Variants in ZFP64 observed in about 807,000 individuals in gnomAD.
The protein encoded by ZFP64 is zinc finger protein 64.
A neutral mutation model predicts 51.6 loss-of-function variants in ZFP64; 14 were observed. That is an observed-to-expected ratio of 0.27 (90% CI 0.18 to 0.42). ZFP64 has a LOEUF of 0.42. Among genes scored for constraint, ZFP64 ranks in the 10% least tolerant of loss-of-function variants. The probability of loss-of-function intolerance (pLI) is 1.00; values close to 1 mark genes in which losing one functional copy is unlikely to be tolerated. For synonymous variants in ZFP64, 375 were observed against 361.4 expected, an observed-to-expected ratio of 1.04 and a Z score of -0.43; for missense variants, 754 against 906.8, an observed-to-expected ratio of 0.83 and a Z score of 2.16.
intron 1 of ZFP64, among the ~76,000 whole-genome samples, 189 bp from the exon 2 acceptor site, chr20:52,187,260 CCA>C (rs1227918106): frequency 3.3e-5 from 5 of 152,106 alleles, no homozygotes; most frequent in Non-Finnish European, 4.4e-5. Context: ...TATCATATTT[CCA>C]CACAGAGATT....
At chr20:52,138,536 C>G (rs184741375) in intron 5 of ZFP64, among the ~76,000 whole-genome samples, 1 of 150,394 alleles carries the variant, frequency 6.6e-6, no homozygotes, top group East Asian at 2.0e-4. Flanking sequence ...TGATTTAAGG[C>G]CAAAAGCTAT....
Position 52,160,301 on chromosome 20 carries a change from C to T in ZFP64, c.585G>A (p.Arg195=), listed in dbSNP as rs148832144. The change falls in exon 5 of 6, where the codon CGG becomes CGA. Residue 195 remains arginine, a synonymous_variant. Transcript: ENST00000216923. The surrounding 1 kb of genome is among the most constrained non-coding windows in gnomAD (Gnocchi z 4.2). ...TGTAGGGCTTCACGCCCGTGTGGCA[C>T]CGCATGTGAGTTTTCAGCTTGTCTT... ...SRKDKLKTHM[R]CHTGVKPYKC... is the part of the protein sequence containing the mutation. The T allele has an allele frequency of 2.2e-4, 350 of 1,614,232 alleles. 1 individual carries two copies. The African/African-American group carries it at 4.4e-3, about 20-fold the overall frequency.
rs71192597 is a variant in ZFP64, at chr20:52,136,096, C to CAAAA, written c.763+24023_763+24026dup. 1.1e-3 allele frequency among the ~76,000 whole-genome samples: 43 copies of CAAAA among 38,000 alleles called. 1 individual carries two copies. The highest frequency in any genetic ancestry group is 1.5e-3 in the African/African-American group (13 of 8,816). The allele number at this position is 38,000 out of a possible 152,430, so 24.9% of individuals were successfully genotyped here. ...CCTAGGCGATGGAGGGAGACTCTCT[C>CAAAA]AAAAAAAAAAAAAAAAAAAAAAAAG... On this transcript the variant is annotated intron_variant, in intron 5 of 8. Transcript: ENST00000361387.
chr20:52,164,608 G>A (rs1285856036), intron 4 of ZFP64, 87 bp downstream of exon 4: 23 of 1,094,640 alleles, frequency 2.1e-5, no homozygotes, highest in Admixed American at 5.5e-5. Context: ...CGTTTGGAGT[G>A]GTATCATTCG....
rs758856624 is a variant in ZFP64, at chr20:52,152,670, C to T, written c.1522G>A (p.Ala508Thr). The part of the protein sequence containing the change: ...KIIVGHQVPQ[A>T]NTIVQAAAAA... Reference sequence around the variant, plus strand: ...GCGGCAGCCTGGACGATGGTGTTCGCCTGGGGCACCTGATGCCCAACGATG... The same window carrying T: ...GCGGCAGCCTGGACGATGGTGTTCGTCTGGGGCACCTGATGCCCAACGATG... Residue 508 changes from alanine (A) to threonine (T), a missense_variant, in exon 6 of 6, where the codon GCG (alanine) becomes ACG (threonine). Around this residue, in one of 3 missense-constraint regions of ZFP64, gnomAD observed 428 missense variants for 472.4 expected, o/e 0.91. Transcript: ENST00000216923. 2.3e-5 allele frequency: 35 copies of T among 1,541,322 alleles called. No individual in the cohort carries two copies. Among genetic ancestry groups the T allele is most frequent in the African/African-American group, 2.7e-5 (2 of 73,178 alleles).
intron 5 of ZFP64, among the ~76,000 whole-genome samples, chr20:52,099,138 A>T (rs1261180964): frequency 6.6e-6 from 1 of 152,144 alleles, no homozygotes; most frequent in Non-Finnish European, 1.5e-5. Flanking sequence ...TCTAAACTAA[A>T]AAACATATGA....
chr20:52,156,872 T>C (rs1353358637), intron 5 of ZFP64, among the ~76,000 whole-genome samples: 2 of 152,088 alleles, frequency 1.3e-5, no homozygotes, highest in Non-Finnish European at 2.9e-5. Flanking sequence ...AAGAGATAAA[T>C]TCTAGGCAGA....
intron 3 of ZFP64, chr20:52,165,649 A>C (rs1982197543): frequency 1.4e-6 from 1 of 725,722 alleles, no homozygotes; most frequent in South Asian, 1.5e-5. Flanking sequence ...TCAAAGGCCT[A>C]TGGCTAGAAA....
intron 5 of ZFP64, among the ~76,000 whole-genome samples, chr20:52,115,033 C>T (rs6096761): frequency 0.18 from 26,528 of 151,190 alleles, 2,449 homozygotes; most frequent in Non-Finnish European, 0.21. Context: ...CTGTCTCTAC[C>T]AAAAATACAA....
intron 4 of ZFP64, among the ~76,000 whole-genome samples, chr20:52,162,860 A>G (rs749100805): frequency 1.3e-5 from 2 of 152,132 alleles, no homozygotes; most frequent in Non-Finnish European, 2.9e-5. Context: ...CCCCAACTCC[A>G]GGGGTAATTA....
chr20:52,164,562 T>C (rs930050311), intron 4 of ZFP64, 133 bp downstream of exon 4: 14 of 785,576 alleles, frequency 1.8e-5, no homozygotes, highest in Non-Finnish European at 3.0e-5. Context: ...CCTTATTTTT[T>C]AAAATCTGGA....
At chr20:52,109,780 C>CA (rs779914417) in intron 5 of ZFP64, among the ~76,000 whole-genome samples, 2,567 of 45,452 alleles carry the variant, frequency 0.056, 82 homozygotes, top group African/African-American at 0.12. Flanking sequence ...AATTCCACCT[C>CA]AAAAAAAAAA....
intron 5 of ZFP64, among the ~76,000 whole-genome samples, chr20:52,156,637 T>C (rs1406555642): frequency 6.6e-6 from 1 of 152,328 alleles, no homozygotes; most frequent in African/African-American, 2.4e-5. Context: ...GCTATTACGC[T>C]GCATCACTGT....
intron 2 of ZFP64, among the ~76,000 whole-genome samples, chr20:52,177,443 C>T (rs999933101): frequency 3.3e-5 from 5 of 152,076 alleles, no homozygotes; most frequent in African/African-American, 1.2e-4. Flanking sequence ...CAGTTTTGGC[C>T]AGCAGGATCT....
chr20:52,085,251 T>A lies in ZFP64; in HGVS notation c.1244A>T (p.Gln415Leu), dbSNP rs1176427928. 11 of 1,612,744 alleles carry A rather than the reference T, an allele frequency of 6.8e-6. No homozygotes were observed. The highest frequency in any genetic ancestry group is 9.3e-6 in the Non-Finnish European group (11 of 1,179,256). ...GAACTTGGCGCTACAGAGCCAGCAC[T>A]GGAAGGGGGTATCCCCTAGCAATGG... The change falls in exon 9 of 9, where the codon CAG becomes CTG. Residue 415 changes from glutamine (Q) to leucine (L), a missense_variant. Gln to Leu is a moderately radical substitution (Grantham distance 113). Coordinates refer to the ZFP64 transcript ENST00000361387. The surrounding 1 kb of genome is among the most constrained non-coding windows in gnomAD (Gnocchi z 4.3).
intron 5 of ZFP64, among the ~76,000 whole-genome samples, chr20:52,157,688 T>C (rs1401587914): frequency 6.6e-6 from 1 of 152,192 alleles, no homozygotes; most frequent in Non-Finnish European, 1.5e-5. Context: ...TTTAAAATTA[T>C]ACTTTAAGTT....
chr20:52,097,016 T>A, intron 7 of ZFP64: 1 of 610,084 alleles, frequency 1.6e-6, no homozygotes, highest in Admixed American at 1.9e-5. Context: ...GCCAACAGGC[T>A]GAGTTGCCCA....
At chr20:52,093,932 A>C (rs2078956781) in intron 7 of ZFP64, among the ~76,000 whole-genome samples, 2 of 152,244 alleles carry the variant, frequency 1.3e-5, no homozygotes, top group Admixed American at 1.3e-4. Context: ...TTGCACATTT[A>C]ACATTGATGA....
chr20:52,190,867 A>G (rs1984316365), intron 1 of ZFP64, among the ~76,000 whole-genome samples: 1 of 152,144 alleles, frequency 6.6e-6, no homozygotes, highest in African/African-American at 2.4e-5. Context: ...TACGAAGGAC[A>G]GCGGATCCCC....
Sources: allele counts gnomAD v4.1 joint callset (sites outside exome capture counted in the v4.1 genomes callset), GRCh38; gene constraint gnomAD v4.1.1; regional missense constraint gnomAD v4.1.1; non-coding constraint Gnocchi (gnomAD v3.1); transcripts MANE v1.5; gene names NCBI Gene and HGNC (gene_info 2026-07-23, HGNC 2026-07-21).